Variants in DRICH1 observed in about 807,000 individuals in gnomAD.
DRICH1 encodes aspartate-rich protein 1.
Under a neutral mutation model 39.5 loss-of-function variants are expected in DRICH1, and 38 were observed. The observed-to-expected ratio is 0.96, with a 90% CI of 0.74 to 1.26. The LOEUF (loss-of-function observed/expected upper bound fraction) is 1.26. Ranked by LOEUF, DRICH1 falls within the 50% of genes most tolerant of loss-of-function variation. The probability of loss-of-function intolerance (pLI) is 0.00; values close to 1 mark genes in which losing one functional copy is unlikely to be tolerated. For synonymous variants in DRICH1, 84 were observed against 99.5 expected (o/e 0.84, Z 0.93); for missense variants, 279 against 270.4 (o/e 1.03, Z -0.22).
At chr22:23,615,532 G>A (rs1172780104) in intron 8 of DRICH1, among the ~76,000 whole-genome samples, 1 of 152,138 alleles carries the variant, frequency 6.6e-6, no homozygotes, top group African/African-American at 2.4e-5. Context: ...AAGTGGAAAG[G>A]CATCCTGTAT....
downstream of DRICH1, among the ~76,000 whole-genome samples, chr22:23,604,765 G>C (rs1004017427): frequency 6.6e-6 from 1 of 152,222 alleles, no homozygotes; most frequent in African/African-American, 2.4e-5. Flanking sequence ...GCACATGTCA[G>C]CTCCATCAGC....
intron 1 of DRICH1, among the ~76,000 whole-genome samples, chr22:23,629,153 C>T (rs1928246553): frequency 1.3e-5 from 2 of 152,208 alleles, no homozygotes; most frequent in Admixed American, 1.3e-4. Flanking sequence ...ATTCTCCTGC[C>T]TCAACCTCCC....
intron 5 of DRICH1, among the ~76,000 whole-genome samples, chr22:23,620,043 A>C (rs935207751): frequency 1.3e-5 from 2 of 152,166 alleles, no homozygotes; most frequent in African/African-American, 4.8e-5. Context: ...TTCTCAGAAA[A>C]ATAAACTTTA....
chr22:23,624,518 G>A (rs1927945696), intron 3 of DRICH1, among the ~76,000 whole-genome samples: 1 of 152,084 alleles, frequency 6.6e-6, no homozygotes, highest in South Asian at 2.1e-4. Context: ...TCTTGTAAAT[G>A]CTGTTTTATT....
the DRICH1 span, chr22:23,581,650 G>A: frequency 2.0e-5 from 3 of 146,440 alleles, no homozygotes; most frequent in South Asian, 6.4e-4. Flanking sequence ...GTGTCGCCAG[G>A]CTGGAGTGCA....
chr22:23,606,086 C>A (rs1216673587), downstream of DRICH1, among the ~76,000 whole-genome samples: 8 of 150,504 alleles, frequency 5.3e-5, no homozygotes, highest in African/African-American at 1.7e-4. Context: ...TGAGACCCCA[C>A]CTCAAAAAAA....
chr22:23,593,629 T>C, the DRICH1 span, among the ~76,000 whole-genome samples: 1 of 152,134 alleles, frequency 6.6e-6, no homozygotes, highest in East Asian at 1.9e-4. Flanking sequence ...TGAAACCCCA[T>C]CTCTACTAAG....
chr22:23,582,053 C>T, the DRICH1 span, among the ~76,000 whole-genome samples: 1 of 140,416 alleles, frequency 7.1e-6, no homozygotes, highest in African/African-American at 2.7e-5. Context: ...AATCTTAGCT[C>T]ATGGCAATCT....
chr22:23,590,713 CT>C, the DRICH1 span, among the ~76,000 whole-genome samples: 1 of 152,174 alleles, frequency 6.6e-6, no homozygotes, highest in African/African-American at 2.4e-5. Context: ...ATTCTCCCGC[CT>C]CAGCCTCCCA....
At chr22:23,610,785 T>C (rs190971565) in intron 11 of DRICH1, among the ~76,000 whole-genome samples, 7 of 152,304 alleles carry the variant, frequency 4.6e-5, no homozygotes, top group Admixed American at 4.6e-4. Context: ...TTTTAATTTT[T>C]TTCTTCTTTC....
chr22:23,600,973 G>A, the DRICH1 span, among the ~76,000 whole-genome samples: 24 of 152,124 alleles, frequency 1.6e-4, no homozygotes, highest in Middle Eastern at 3.4e-3. Flanking sequence ...CACCTGGCCG[G>A]CAATTTCTAA....
chr22:23,589,373 C>T, the DRICH1 span, among the ~76,000 whole-genome samples: 2 of 151,906 alleles, frequency 1.3e-5, no homozygotes, highest in Non-Finnish European at 1.5e-5. Context: ...ATCACCTGAG[C>T]CCAAGAGCTC....
the DRICH1 span, among the ~76,000 whole-genome samples, chr22:23,592,393 G>C: frequency 1.0e-4 from 4 of 40,190 alleles, no homozygotes; most frequent in Admixed American, 3.6e-4. Flanking sequence ...GAGCAAGACT[G>C]GGGGGGGGCG....
At chr22:23,619,914 T>C (rs1166325639) in intron 5 of DRICH1, among the ~76,000 whole-genome samples, 6 of 151,572 alleles carry the variant, frequency 4.0e-5, no homozygotes, top group Admixed American at 2.0e-4. Context: ...ATTTCTCCTA[T>C]GCATCTGGGC....
chr22:23,595,784 C>T, the DRICH1 span, among the ~76,000 whole-genome samples: 3,554 of 152,196 alleles, frequency 0.023, 152 homozygotes, highest in African/African-American at 0.082. Context: ...GCATCCATAG[C>T]TCCTTCTCCT....
At chr22:23,597,247 T>A in the DRICH1 span, among the ~76,000 whole-genome samples, 60 of 148,688 alleles carry the variant, frequency 4.0e-4, no homozygotes, top group African/African-American at 1.4e-3. Context: ...AATTCCAGAA[T>A]TTGGGAGGCC....
chr22:23,613,779 G>C, intron 9 of DRICH1, 119 bp from the exon 10 acceptor site: 1 of 726,462 alleles, frequency 1.4e-6, no homozygotes, highest in East Asian at 2.7e-5. Context: ...TTGAGCCATA[G>C]GTCAAAGTCC....
chr22:23,597,522 AAAAAG>A, the DRICH1 span, among the ~76,000 whole-genome samples: 23 of 151,410 alleles, frequency 1.5e-4, no homozygotes, highest in East Asian at 1.7e-3. Context: ...AAAAAAAGGA[AAAAAG>A]AAAAGAAAAG....
chr22:23,584,552 T>A, the DRICH1 span, among the ~76,000 whole-genome samples: 3 of 152,184 alleles, frequency 2.0e-5, no homozygotes, highest in Admixed American at 2.0e-4. Context: ...CTGGAAGTGA[T>A]CTCTGTTATT....
Sources: allele counts gnomAD v4.1 joint callset (sites outside exome capture counted in the v4.1 genomes callset), GRCh38; gene constraint gnomAD v4.1.1; transcripts MANE v1.5; gene names NCBI Gene and HGNC (gene_info 2026-07-23, HGNC 2026-07-21).